PDE1C: variants seen among roughly 807,000 people sequenced by gnomAD.
The protein encoded by PDE1C is dual specificity calcium/calmodulin-dependent 3',5'-cyclic nucleotide phosphodiesterase 1C.
A neutral mutation model predicts 93.1 loss-of-function variants in PDE1C; 62 were observed. The ratio of observed to expected loss-of-function variants is 0.67; its 90% confidence interval spans 0.54 to 0.82. The LOEUF (loss-of-function observed/expected upper bound fraction) is 0.82, where lower values mean the gene tolerates loss of function less well. Among genes scored for constraint, PDE1C ranks in the 40% least tolerant of loss-of-function variants. PDE1C has a pLI of 0.00. For missense variants in PDE1C, 742 were observed against 884.6 expected (o/e 0.84, Z 2.04); for synonymous variants, 325 against 310.1 (o/e 1.05, Z -0.50).
At chr7:32,211,182 C>G (rs1806001649) in intron 1 of PDE1C, among the ~76,000 whole-genome samples, 7 of 151,968 alleles carry the variant, frequency 4.6e-5, no homozygotes. Flanking sequence ...ACACTCCTGC[C>G]TGGGAGACAA....
chr7:31,844,958 C>T (rs1315840801), intron 9 of PDE1C, among the ~76,000 whole-genome samples: 2 of 152,054 alleles, frequency 1.3e-5, no homozygotes, highest in Non-Finnish European at 2.9e-5. Flanking sequence ...GTAGCAAATT[C>T]TAAATGTAGA....
rs752453204 is a variant in PDE1C, at chr7:32,298,728, T to G, written c.8A>C (p.Asp3Ala). 23 of 1,597,328 alleles carry G rather than the reference T, an allele frequency of 1.4e-5. No individual in the cohort carries two copies. The South Asian group carries it at 2.6e-4, about 18-fold the overall frequency. The change falls in exon 1 of 19, where the codon GAC becomes GCC. Residue 3 changes from aspartate to alanine, a missense_variant. Transcript: ENST00000396193. ...GAAGCCCTCCTTCCTGTTGCCGGCGTCCGTCATGGCTCGGCCGGCCGGGCA... is the reference window on the plus strand; with the variant it reads ...GAAGCCCTCCTTCCTGTTGCCGGCGGCCGTCATGGCTCGGCCGGCCGGGCA...
the PDE1C span, chr7:31,692,442 A>T: frequency 6.2e-7 from 1 of 1,606,772 alleles, no homozygotes. Flanking sequence ...CCCTCCTTTG[A>T]TGATGTCCAC....
the PDE1C span, among the ~76,000 whole-genome samples, chr7:31,645,118 G>A: frequency 6.6e-6 from 1 of 152,252 alleles, no homozygotes; most frequent in Non-Finnish European, 1.5e-5. Flanking sequence ...TGACTAAGTG[G>A]GAAGTCCAAA....
the PDE1C span, among the ~76,000 whole-genome samples, chr7:31,630,036 T>C: frequency 1.3e-5 from 2 of 152,086 alleles, no homozygotes; most frequent in South Asian, 2.1e-4. Flanking sequence ...GATTATATCA[T>C]AGAAAGCTGA....
At chr7:31,788,823 T>G (rs908062027) in intron 16 of PDE1C, 6 of 152,190 alleles carry the variant, frequency 3.9e-5, no homozygotes, top group Admixed American at 6.6e-5. Flanking sequence ...CATGCTGTTG[T>G]GCATTCGATA....
chr7:31,735,836 C>T, the PDE1C span, among the ~76,000 whole-genome samples: 22 of 152,278 alleles, frequency 1.4e-4, no homozygotes, highest in African/African-American at 5.1e-4. Context: ...CCCTCCGTAT[C>T]TGTGGGAGAT....
chr7:31,801,383 T>C (rs977347661), intron 16 of PDE1C, among the ~76,000 whole-genome samples: 11 of 151,408 alleles, frequency 7.3e-5, no homozygotes, highest in Non-Finnish European at 1.6e-4. Flanking sequence ...TTGTTTGCCT[T>C]GAATCCTTTT....
chr7:32,385,939 A>T (rs774054102), intron 1 of PDE1C, among the ~76,000 whole-genome samples: 8 of 152,116 alleles, frequency 5.3e-5, no homozygotes, highest in Non-Finnish European at 1.2e-4. Context: ...GGGCTCCTTG[A>T]AACCCCAAGA....
At chr7:32,067,670 T>C (rs141251599) in intron 1 of PDE1C, among the ~76,000 whole-genome samples, 13 of 152,288 alleles carry the variant, frequency 8.5e-5, no homozygotes, top group African/African-American at 3.1e-4. Flanking sequence ...CCACACATCT[T>C]GCCCATTTCC....
chr7:32,043,004 A>T (rs1179706866), intron 2 of PDE1C, among the ~76,000 whole-genome samples: 1 of 152,198 alleles, frequency 6.6e-6, no homozygotes, highest in Non-Finnish European at 1.5e-5. Flanking sequence ...CACGATTCTT[A>T]ATCTTACCTC....
intron 7 of PDE1C, among the ~76,000 whole-genome samples, chr7:31,853,603 T>C (rs1308224184): frequency 6.6e-6 from 1 of 152,098 alleles, no homozygotes; most frequent in African/African-American, 2.4e-5. Flanking sequence ...GGCAGTGAAG[T>C]TCACACGCAA....
At chr7:32,300,209 A>G (rs993159068), upstream of PDE1C, among the ~76,000 whole-genome samples, 2 of 152,202 alleles carry the variant, frequency 1.3e-5, no homozygotes, top group Non-Finnish European at 2.9e-5. Context: ...CAGGAATTTA[A>G]TCTTTTTCAA....
intron 2 of PDE1C, among the ~76,000 whole-genome samples, chr7:32,195,906 G>A (rs993286471): frequency 6.6e-6 from 1 of 152,086 alleles, no homozygotes; most frequent in Admixed American, 6.5e-5. Flanking sequence ...CGCTGGGAAG[G>A]GGTGAGAGTT....
At chr7:31,948,326 G>T (rs13233797) in intron 2 of PDE1C, among the ~76,000 whole-genome samples, 19,107 of 152,216 alleles carry the variant, frequency 0.13, 1,524 homozygotes, top group South Asian at 0.18. Flanking sequence ...ATCTTAGCTG[G>T]TTGGCAACCA....
intron 1 of PDE1C, among the ~76,000 whole-genome samples, chr7:32,298,459 CG>C (rs775211632): frequency 6.6e-6 from 1 of 151,988 alleles, no homozygotes; most frequent in Admixed American, 6.5e-5. Flanking sequence ...CGAGGGGTGC[CG>C]GGGGGGACAG....
chr7:32,362,318 G>A (rs215704), intron 1 of PDE1C, among the ~76,000 whole-genome samples: 148,266 of 152,182 alleles, frequency 0.97, 72,242 homozygotes, highest in East Asian at 1. Flanking sequence ...TTCAGGGGGT[G>A]TCCTAGGGAC....
chr7:31,666,848 T>A, the PDE1C span, among the ~76,000 whole-genome samples: 12 of 152,130 alleles, frequency 7.9e-5, no homozygotes, highest in Admixed American at 1.3e-4. Context: ...ATGTATGTTG[T>A]TTACCAAATA....
At chr7:32,208,724 T>C (rs1484537821) in intron 2 of PDE1C, among the ~76,000 whole-genome samples, 2 of 152,030 alleles carry the variant, frequency 1.3e-5, no homozygotes, top group Non-Finnish European at 2.9e-5. Flanking sequence ...CCCCCCCTTC[T>C]TTGGAATCCA....
Sources: gnomAD v4.1 joint callset for allele counts (sites outside exome capture counted in the v4.1 genomes callset) on GRCh38, gnomAD v4.1.1 for gene constraint, MANE v1.5 for transcripts, NCBI Gene and HGNC (gene_info 2026-07-23, HGNC 2026-07-21) for gene names.